ENOSF1: variants seen among roughly 807,000 people sequenced by gnomAD.
ENOSF1 encodes the protein enolase superfamily member 1, also known as mitochondrial enolase superfamily member 1.
A neutral mutation model predicts 68.2 loss-of-function variants in ENOSF1; 73 were observed. The ratio of observed to expected loss-of-function variants is 1.07; its 90% confidence interval spans 0.89 to 1.30. The LOEUF (loss-of-function observed/expected upper bound fraction) is 1.30. Among genes scored for constraint, ENOSF1 ranks in the 50% most tolerant of loss-of-function variants. The pLI, the probability that ENOSF1 is intolerant of heterozygous loss-of-function variation, is 0.00. For synonymous variants in ENOSF1, 223 were observed against 210.4 expected, an observed-to-expected ratio of 1.06 and a Z score of -0.52; for missense variants, 589 against 554.5, an observed-to-expected ratio of 1.06 and a Z score of -0.62.
chr18:690,672 G>A (rs1243506108), intron 7 of ENOSF1, 41 bp from the exon 8 acceptor site: 2 of 1,407,092 alleles, frequency 1.4e-6, no homozygotes, highest in African/African-American at 3.3e-5. Flanking sequence ...CACTTTCCAG[G>A]GCCCTTCGGA....
In ENOSF1 at chr18:672,654, A is replaced by G. The variant is rs1226413293; in HGVS notation, c.*1651T>C. The G allele has an allele frequency of 9.4e-6, 4 of 426,958 alleles. No individual in the cohort carries two copies. The highest frequency in any genetic ancestry group is 1.6e-5 in the Non-Finnish European group (4 of 244,624). 26.4% of individuals were successfully genotyped at this position (426,958 alleles called of 1,614,324 possible). ...TCCTGATGCTGTGTAATGTCACAAA[A>G]TACCCCTCACTCTCGATCTGTGCAA... On this transcript the variant is annotated 3_prime_UTR_variant, in exon 16 of 16. Transcript: ENST00000647584.
intron 1 of ENOSF1, among the ~76,000 whole-genome samples, chr18:710,526 GA>G (rs1242213859): frequency 6.6e-6 from 1 of 151,798 alleles, no homozygotes; most frequent in Non-Finnish European, 1.5e-5. Context: ...TTTTTCTTTA[GA>G]AACAGGGTCT....
downstream of ENOSF1, among the ~76,000 whole-genome samples, chr18:666,950 GT>G (rs1183345780): frequency 1.6e-4 from 5 of 31,348 alleles, 1 homozygote; most frequent in Non-Finnish European, 2.8e-4. Flanking sequence ...GATGGTGATG[GT>G]GATGGAGATG....
chr18:690,740 C>G, intron 7 of ENOSF1, 109 bp from the exon 8 acceptor site: 1 of 1,209,496 alleles, frequency 8.3e-7, no homozygotes. Context: ...TTCTCCTGAT[C>G]CGGCCCTGCA....
At position 672,796 on chromosome 18, in the gene ENOSF1, CAT is replaced by C; in HGVS notation, c.*1507_*1508del. The C allele has an allele frequency of 6.7e-7, 1 of 1,493,938 alleles. No individual in the cohort carries two copies. The allele number at this position is 1,493,938 out of a possible 1,614,324, so 92.5% of individuals were successfully genotyped here. ...ACATCCTGTGTACTTGTTTCACGGACATGAGGAGCAATTACAACAGGTCGTAC... is the reference window on the plus strand; with the variant it reads ...ACATCCTGTGTACTTGTTTCACGGACGAGGAGCAATTACAACAGGTCGTAC... On this transcript the variant is annotated 3_prime_UTR_variant, in exon 16 of 16. Coordinates refer to ENST00000647584, the MANE Select transcript of ENOSF1 (RefSeq NM_017512.7).
intron 9 of ENOSF1, chr18:686,385 A>G (rs2076614261): frequency 4.9e-6 from 1 of 203,906 alleles, no homozygotes; most frequent in Admixed American, 5.6e-5. Context: ...ACACTGTGAT[A>G]GACTGAATGG....
intron 14 of ENOSF1, 122 bp downstream of exon 14, chr18:677,223 T>G: frequency 1.3e-6 from 1 of 783,656 alleles, no homozygotes; most frequent in East Asian, 2.8e-5. Context: ...CGCCTGAGAG[T>G]TATAGGACAT....
Position 674,423 on chromosome 18 carries a change from A to C in ENOSF1, c.1231-17T>G. ...GCCGGGATCCTATCAAAGACCAAAA[A>C]AATGAGTCCTGTTAACAACCACCTG... On this transcript the variant is annotated splice_polypyrimidine_tract_variant and intron_variant, in intron 15 of 15. Coordinates refer to ENST00000647584, the MANE Select transcript of ENOSF1 (RefSeq NM_017512.7). The C allele has an allele frequency of 6.4e-7, 1 of 1,551,586 alleles. No homozygotes were observed. Among genetic ancestry groups the C allele is most frequent in the Non-Finnish European group, 8.8e-7 (1 of 1,132,040 alleles).
intron 1 of ENOSF1, chr18:707,706 A>C (rs952308510): frequency 6.6e-6 from 1 of 151,942 alleles, no homozygotes; most frequent in African/African-American, 2.4e-5. Flanking sequence ...TGTGCCAGAC[A>C]CACTATATTC....
chr18:671,695 G>T lies in ENOSF1; in HGVS notation c.*2610C>A, dbSNP rs1002104836. The stretch of plus-strand genomic sequence containing the variant: ...AAGCACCAGTACCAGAGAGGGAAGA[G>T]CCACATTCAAGCCAGGGGATTGTCC... On this transcript the variant is annotated 3_prime_UTR_variant, in exon 16 of 16. Coordinates refer to ENST00000647584, the MANE Select transcript of ENOSF1 (RefSeq NM_017512.7). 3 of 517,300 alleles carry T rather than the reference G, an allele frequency of 5.8e-6. No homozygotes were observed. The African/African-American group carries it at 6.0e-5, about 10-fold the overall frequency. 32.0% of individuals were successfully genotyped at this position (517,300 alleles called of 1,614,324 possible).
chr18:697,505 C>A, intron 2 of ENOSF1, 150 bp from the exon 3 acceptor site: 1 of 610,900 alleles, frequency 1.6e-6, no homozygotes, highest in Non-Finnish European at 2.8e-6. Flanking sequence ...AATCTCAACA[C>A]TTTGGGAGGC....
rs1340366086 is a variant in ENOSF1, at chr18:683,385, A to C, written c.742-5T>G. ...GCGCTGGTTGGCATCCATCATCTGC[A>C]AAAAGAGACTCTTCACAGGGAGGTC... On this transcript the variant is annotated splice_region_variant and splice_polypyrimidine_tract_variant and intron_variant, in intron 10 of 15. Transcript: ENST00000647584. The C allele has an allele frequency of 1.2e-6, 2 of 1,613,894 alleles. No homozygotes were observed. Among genetic ancestry groups the C allele is most frequent in the Non-Finnish European group, 8.5e-7 (1 of 1,180,014 alleles).
chr18:674,601 C>G (rs1568005227), intron 15 of ENOSF1, among the ~76,000 whole-genome samples, 195 bp from the exon 16 acceptor site: 1 of 152,202 alleles, frequency 6.6e-6, no homozygotes, highest in Non-Finnish European at 1.5e-5. Flanking sequence ...TCACTGCAAC[C>G]TCCACCTCCC....
rs767792427 is a variant in ENOSF1 at position 690,934 on chromosome 18, T to C, written c.535+134A>G. The C allele has an allele frequency of 5.8e-6, 7 of 1,213,562 alleles. No homozygotes were observed. The Admixed American group carries it at 8.7e-5, about 15-fold the overall frequency. The allele number at this position is 1,213,562 out of a possible 1,614,324, so 75.2% of individuals were successfully genotyped here. A position where few individuals can be genotyped will look rare whatever the true frequency, so the allele number is the denominator to read the frequency against. ...ACCCAGCAGGCTTCACCATGCAGAC[T>C]TGAATGTTGATTTGAGGGCCTAGCT... On this transcript the variant is annotated intron_variant, in intron 7 of 15. Coordinates refer to ENST00000647584, the MANE Select transcript of ENOSF1 (RefSeq NM_017512.7).
Position 673,312 on chromosome 18 carries a change from G to A in ENOSF1, c.*993C>T, listed in dbSNP as rs536521216. On this transcript the variant is annotated 3_prime_UTR_variant, in exon 16 of 16. Coordinates refer to ENST00000647584, the MANE Select transcript of ENOSF1 (RefSeq NM_017512.7). ...CATTTCAATCCCACGTACTTATAAA[G>A]AAGGTTGGTGAATTTCACAAGCTAT... is the stretch of plus-strand genomic sequence containing the variant. 1.1e-4 allele frequency: 26 copies of A among 243,036 alleles called. 1 individual carries two copies. In the South Asian group the frequency reaches 4.3e-3, roughly 40 times the overall value. 15.1% of individuals were successfully genotyped at this position (243,036 alleles called of 1,614,324 possible). A position where few individuals can be genotyped will look rare whatever the true frequency, so the allele number is the denominator to read the frequency against.
chr18:711,300 T>C (rs544145958), intron 1 of ENOSF1, among the ~76,000 whole-genome samples: 61 of 152,352 alleles, frequency 4.0e-4, no homozygotes, highest in African/African-American at 1.4e-3. Flanking sequence ...TCTATTTTTA[T>C]AAAACATTTC....
intron 11 of ENOSF1, among the ~76,000 whole-genome samples, chr18:679,609 C>A (rs1416632890): frequency 6.6e-6 from 1 of 151,980 alleles, no homozygotes; most frequent in Admixed American, 6.6e-5. Flanking sequence ...TGGCCTCAGA[C>A]CTCAATCTGC....
chr18:708,952 A>C (rs983751806), intron 1 of ENOSF1, among the ~76,000 whole-genome samples: 1 of 152,302 alleles, frequency 6.6e-6, no homozygotes, highest in African/African-American at 2.4e-5. Flanking sequence ...CAATGGAAAA[A>C]GGAAACCTTG....
At chr18:707,869 A>C (rs1339965325) in intron 1 of ENOSF1, among the ~76,000 whole-genome samples, 3 of 151,744 alleles carry the variant, frequency 2.0e-5, no homozygotes, top group Non-Finnish European at 2.9e-5. Context: ...TATTATTATT[A>C]TTATTTTTGA....
Sources: gnomAD v4.1 joint callset for allele counts (sites outside exome capture counted in the v4.1 genomes callset) on GRCh38, gnomAD v4.1.1 for gene constraint, MANE v1.5 for transcripts, NCBI Gene and HGNC (gene_info 2026-07-23, HGNC 2026-07-21) for gene names.